The following LRRC37A2 variants were observed in gnomAD, a reference collection of about 807,000 sequenced individuals.
LRRC37A2 encodes the protein leucine-rich repeat-containing protein 37A2.
Under a neutral mutation model 68.8 loss-of-function variants are expected in LRRC37A2, and 9 were observed. The observed-to-expected ratio is 0.13, with a 90% CI of 0.08 to 0.23. LRRC37A2 has a LOEUF of 0.23. LRRC37A2 is among the 10% of genes least tolerant of loss of function. The pLI is 1.00. For missense variants in LRRC37A2, 168 were observed against 950.4 expected (o/e 0.18, Z 10.82); for synonymous variants, 63 against 367.6 (o/e 0.17, Z 9.48).
the LRRC37A2 span, chr17:47,019,614 G>A: frequency 6.9e-7 from 1 of 1,446,478 alleles, no homozygotes; most frequent in Non-Finnish European, 9.7e-7. Flanking sequence ...GGTGCAGTCT[G>A]AAAGTTACAT....
chr17:46,494,910 T>C, the LRRC37A2 span, among the ~76,000 whole-genome samples: 1 of 151,168 alleles, frequency 6.6e-6, no homozygotes, highest in East Asian at 1.9e-4. Context: ...AAATAAAAAC[T>C]GAAACGTATT....
At chr17:46,843,481 T>C in the LRRC37A2 span, among the ~76,000 whole-genome samples, 1 of 152,216 alleles carries the variant, frequency 6.6e-6, no homozygotes, top group Non-Finnish European at 1.5e-5. Context: ...CATTGCTGCA[T>C]CTCAGTTGCC....
the LRRC37A2 span, among the ~76,000 whole-genome samples, chr17:46,824,475 C>T: frequency 2.0e-4 from 31 of 152,246 alleles, no homozygotes; most frequent in Non-Finnish European, 4.4e-5. Context: ...TCTTGAACTC[C>T]TGACCTCAGG....
At chr17:46,987,914 G>A in the LRRC37A2 span, among the ~76,000 whole-genome samples, 2 of 152,252 alleles carry the variant, frequency 1.3e-5, no homozygotes, top group Non-Finnish European at 2.9e-5. Flanking sequence ...GCTCATGCCT[G>A]TAATCCCAGC....
chr17:46,780,131 C>T, the LRRC37A2 span, among the ~76,000 whole-genome samples: 1 of 152,212 alleles, frequency 6.6e-6, no homozygotes, highest in South Asian at 2.1e-4. Flanking sequence ...ACTTACGCAC[C>T]TAACATATGG....
chr17:46,776,381 T>C, the LRRC37A2 span, among the ~76,000 whole-genome samples: 1 of 152,298 alleles, frequency 6.6e-6, no homozygotes, highest in East Asian at 1.9e-4. Flanking sequence ...ATCCCTGTGG[T>C]TTATTATGGG....
chr17:47,035,819 A>G, the LRRC37A2 span, among the ~76,000 whole-genome samples: 1 of 152,114 alleles, frequency 6.6e-6, no homozygotes, highest in Non-Finnish European at 1.5e-5. Context: ...CTTTGTCAAC[A>G]CTGTCGTTGT....
the LRRC37A2 span, chr17:46,933,226 C>T: frequency 6.6e-6 from 1 of 152,244 alleles, no homozygotes; most frequent in African/African-American, 2.4e-5. Flanking sequence ...TGATGCTGTG[C>T]ACACCGTCAG....
the LRRC37A2 span, chr17:46,872,690 T>G: frequency 6.2e-7 from 1 of 1,613,384 alleles, no homozygotes; most frequent in East Asian, 2.2e-5. Flanking sequence ...GCTGCGCACC[T>G]CGGCCTGCTT....
chr17:46,923,624 A>T, the LRRC37A2 span: 1 of 1,234,106 alleles, frequency 8.1e-7, no homozygotes, highest in Admixed American at 3.8e-5. Context: ...GTTTAATTGG[A>T]GAGTCAGGGC....
chr17:47,006,315 A>AAATT, the LRRC37A2 span, among the ~76,000 whole-genome samples: 1 of 152,170 alleles, frequency 6.6e-6, no homozygotes, highest in Admixed American at 6.6e-5. Flanking sequence ...AAAATAAAAT[A>AAATT]AATTAATTAA....
chr17:46,872,926 A>C, the LRRC37A2 span, among the ~76,000 whole-genome samples: 5,229 of 152,170 alleles, frequency 0.034, 296 homozygotes, highest in African/African-American at 0.12. Context: ...GAGAAGAGTC[A>C]CAAGAGTTAA....
chr17:46,952,936 G>A, the LRRC37A2 span: 1 of 152,042 alleles, frequency 6.6e-6, no homozygotes, highest in African/African-American at 2.4e-5. Flanking sequence ...CTCCTCCCAA[G>A]ATACCCCACA....
At chr17:46,914,582 C>T in the LRRC37A2 span, among the ~76,000 whole-genome samples, 6 of 123,896 alleles carry the variant, frequency 4.8e-5, no homozygotes, top group South Asian at 2.8e-4. Flanking sequence ...ACCCGGAAGG[C>T]GGAGGTTGCA....
At chr17:46,501,530 G>A in the LRRC37A2 span, among the ~76,000 whole-genome samples, 9 of 151,316 alleles carry the variant, frequency 5.9e-5, no homozygotes, top group African/African-American at 1.7e-4. Flanking sequence ...GTCGTCTGCC[G>A]GCTGTTATAT....
At chr17:46,777,606 G>A in the LRRC37A2 span, among the ~76,000 whole-genome samples, 2 of 152,230 alleles carry the variant, frequency 1.3e-5, no homozygotes, top group African/African-American at 2.4e-5. Context: ...ACAGTTACCC[G>A]GATACTGGCA....
chr17:47,036,915 T>C, the LRRC37A2 span, among the ~76,000 whole-genome samples: 1 of 109,422 alleles, frequency 9.1e-6, no homozygotes, highest in African/African-American at 3.2e-5. Flanking sequence ...ATAGCAAAGA[T>C]ATGTAATCAA....
the LRRC37A2 span, among the ~76,000 whole-genome samples, chr17:47,014,458 T>G: frequency 2.6e-5 from 4 of 151,322 alleles, no homozygotes; most frequent in Non-Finnish European, 5.9e-5. Context: ...AGTGTAACCA[T>G]AATTCAAAAC....
At chr17:46,733,154 T>A in the LRRC37A2 span, among the ~76,000 whole-genome samples, 2 of 152,232 alleles carry the variant, frequency 1.3e-5, no homozygotes, top group Non-Finnish European at 2.9e-5. Context: ...TTTTACTTGA[T>A]GACACTGGGG....
Sources: gnomAD v4.1 joint callset for allele counts (sites outside exome capture counted in the v4.1 genomes callset) on GRCh38, gnomAD v4.1.1 for gene constraint, MANE v1.5 for transcripts, NCBI Gene and HGNC (gene_info 2026-07-23, HGNC 2026-07-21) for gene names.